Variants in EXOC4 observed in about 807,000 individuals in gnomAD.
EXOC4 encodes SEC8-like 1.
Under a neutral mutation model 107.2 loss-of-function variants are expected in EXOC4, and 71 were observed. That is an observed-to-expected ratio of 0.66 (90% CI 0.55 to 0.81). The LOEUF is 0.81. Among genes scored for constraint, EXOC4 ranks in the 30% least tolerant of loss-of-function variants. The pLI, the probability that EXOC4 is intolerant of heterozygous loss-of-function variation, is 0.00. For missense variants in EXOC4, 1,108 were observed against 1,189.6 expected, an observed-to-expected ratio of 0.93 and a Z score of 1.01; for synonymous variants, 456 against 441.2, an observed-to-expected ratio of 1.03 and a Z score of -0.42.
chr7:133,941,360 C>T (rs1351549476), intron 14 of EXOC4, among the ~76,000 whole-genome samples: 2 of 152,146 alleles, frequency 1.3e-5, no homozygotes, highest in Non-Finnish European at 2.9e-5. Context: ...TCCACCTGAA[C>T]ATTTCATGTC....
intron 11 of EXOC4, among the ~76,000 whole-genome samples, chr7:133,841,581 A>C (rs1055765126): frequency 1.3e-5 from 2 of 152,186 alleles, no homozygotes; most frequent in Non-Finnish European, 2.9e-5. Flanking sequence ...GATAGGTACA[A>C]ATCAGTACCA....
chr7:133,438,671 C>A (rs918878333), intron 7 of EXOC4, among the ~76,000 whole-genome samples: 3 of 152,192 alleles, frequency 2.0e-5, no homozygotes, highest in African/African-American at 7.2e-5. Flanking sequence ...CTGAGGCAGT[C>A]CACTATGACT....
At chr7:133,771,849 CAG>C (rs373450991) in intron 10 of EXOC4, among the ~76,000 whole-genome samples, 181 of 151,888 alleles carry the variant, frequency 1.2e-3, no homozygotes, top group Admixed American at 6.9e-3. Context: ...GGGAGGGAAA[CAG>C]GGGGTCAGAT....
Position 133,594,493 on chromosome 7 carries a change from C to CTTTTTTTTTTTTTT in EXOC4, c.1418-35545_1418-35532dup, listed in dbSNP as rs532692119. 1.7e-3 allele frequency among the ~76,000 whole-genome samples: 158 copies of CTTTTTTTTTTTTTT among 90,348 alleles called. 26 individuals carry two copies. The highest frequency in any genetic ancestry group is 2.9e-3 in the Admixed American group (17 of 5,896). The allele number at this position is 90,348 out of a possible 152,430, so 59.3% of individuals were successfully genotyped here. On this transcript the variant is annotated intron_variant, in intron 9 of 17. Coordinates refer to ENST00000253861, the MANE Select transcript of EXOC4 (RefSeq NM_021807.4). ...AGACAAGAAATACATAAGCTTGAGT[C>CTTTTTTTTTTTTTT]TTTTTTTTTTTTTTTTTTTTGAGAC...
At chr7:133,999,097 C>G (rs554091815) in intron 15 of EXOC4, among the ~76,000 whole-genome samples, 1 of 152,212 alleles carries the variant, frequency 6.6e-6, no homozygotes, top group East Asian at 1.9e-4. Flanking sequence ...TATTAAACAA[C>G]TAGGTAGCAA....
Position 133,630,022 on chromosome 7 carries a change from G to GC in EXOC4, c.1418-23_1418-22insC, listed in dbSNP as rs1554481422. 5.7e-6 allele frequency: 9 copies of GC among 1,567,932 alleles called. No individual in the cohort carries two copies. In the Admixed American group the frequency reaches 1.5e-4, roughly 26 times the overall value. Reference sequence around the variant, plus strand: ...ATAAAAGTTTCAATGAGCTAAGTCTGTTTTTTTTCTTTCTTCTGAAAGGGG... The same window carrying GC: ...ATAAAAGTTTCAATGAGCTAAGTCTGCTTTTTTTTCTTTCTTCTGAAAGGGG... On this transcript the variant is annotated intron_variant, in intron 9 of 17. Coordinates refer to ENST00000253861, the MANE Select transcript of EXOC4 (RefSeq NM_021807.4).
At chr7:133,626,500 G>A (rs753363802) in intron 9 of EXOC4, among the ~76,000 whole-genome samples, 10 of 152,124 alleles carry the variant, frequency 6.6e-5, no homozygotes, top group Non-Finnish European at 1.2e-4. Flanking sequence ...ATGGCACTTG[G>A]TAATGAAACT....
intron 11 of EXOC4, among the ~76,000 whole-genome samples, chr7:133,857,040 T>A (rs1798390141): frequency 7.0e-6 from 1 of 143,146 alleles, no homozygotes; most frequent in Admixed American, 7.3e-5. Context: ...GAGGTTGCAG[T>A]GAGCCGAGAT....
chr7:133,981,021 G>A (rs1793966393), intron 14 of EXOC4, among the ~76,000 whole-genome samples: 1 of 152,182 alleles, frequency 6.6e-6, no homozygotes, highest in South Asian at 2.1e-4. Flanking sequence ...TTCACCCCAT[G>A]CTGAGAGGTG....
chr7:133,652,229 A>G (rs1803175127), intron 10 of EXOC4, among the ~76,000 whole-genome samples: 1 of 152,200 alleles, frequency 6.6e-6, no homozygotes, highest in Admixed American at 6.6e-5. Context: ...GTGAAAAAAT[A>G]TGAATTGTTA....
intron 3 of EXOC4, among the ~76,000 whole-genome samples, chr7:133,295,550 CA>C (rs1246234605): frequency 1.3e-5 from 2 of 152,008 alleles, no homozygotes; most frequent in African/African-American, 4.8e-5. Flanking sequence ...AAAGCCAGAT[CA>C]GTACTGGAAG....
intron 11 of EXOC4, among the ~76,000 whole-genome samples, chr7:133,843,725 G>A (rs369962350): frequency 9.2e-5 from 14 of 152,026 alleles, no homozygotes; most frequent in South Asian, 2.1e-4. Flanking sequence ...GAGAGAAGGC[G>A]TTCTTTTCTT....
intron 9 of EXOC4, among the ~76,000 whole-genome samples, chr7:133,491,431 G>T (rs1799369875): frequency 6.6e-6 from 1 of 152,200 alleles, no homozygotes; most frequent in Non-Finnish European, 1.5e-5. Flanking sequence ...GTGCAGCTCT[G>T]TTTGGGCTTT....
intron 9 of EXOC4, among the ~76,000 whole-genome samples, chr7:133,592,750 GCAC>G (rs1801579624): frequency 6.6e-6 from 1 of 152,110 alleles, no homozygotes; most frequent in Non-Finnish European, 1.5e-5. Context: ...TTACAGCCAC[GCAC>G]CACCATGCCC....
chr7:133,619,829 G>T (rs1802282183), intron 9 of EXOC4, among the ~76,000 whole-genome samples: 1 of 152,190 alleles, frequency 6.6e-6, no homozygotes, highest in Non-Finnish European at 1.5e-5. Flanking sequence ...TGCTTCTGCT[G>T]TAGCCATCAT....
At chr7:133,807,971 A>G (rs1447288504) in intron 10 of EXOC4, among the ~76,000 whole-genome samples, 13 of 152,112 alleles carry the variant, frequency 8.5e-5, no homozygotes. Context: ...CAGCGTCCAA[A>G]TTTTGTAGAT....
intron 7 of EXOC4, among the ~76,000 whole-genome samples, chr7:133,404,995 G>A (rs983623500): frequency 6.6e-6 from 1 of 150,904 alleles, no homozygotes; most frequent in Admixed American, 6.6e-5. Flanking sequence ...GATCCCTTGA[G>A]CTCATGAGTT....
At chr7:133,472,785 G>T (rs941957544) in intron 7 of EXOC4, among the ~76,000 whole-genome samples, 1 of 152,156 alleles carries the variant, frequency 6.6e-6, no homozygotes, top group African/African-American at 2.4e-5. Context: ...ATTGAAAGGA[G>T]AAGTGGGTGG....
At chr7:134,034,386 G>A (rs1795340372) in intron 17 of EXOC4, among the ~76,000 whole-genome samples, 1 of 152,228 alleles carries the variant, frequency 6.6e-6, no homozygotes, top group Non-Finnish European at 1.5e-5. Context: ...CCTCAAGGCT[G>A]TGATATAGTT....
Sources: allele counts gnomAD v4.1 joint callset (sites outside exome capture counted in the v4.1 genomes callset), GRCh38; gene constraint gnomAD v4.1.1; transcripts MANE v1.5; gene names NCBI Gene and HGNC (gene_info 2026-07-23, HGNC 2026-07-21).